The following VRK2 variants were observed in gnomAD, a reference collection of about 807,000 sequenced individuals.
VRK2 encodes serine/threonine-protein kinase VRK2.
In VRK2, 60 loss-of-function variants were observed where a neutral mutation model predicts 57.6. That is an observed-to-expected ratio of 1.04 (90% CI 0.85 to 1.29). The LOEUF (loss-of-function observed/expected upper bound fraction) is 1.29. VRK2 is among the 50% of genes most tolerant of loss of function. VRK2 has a pLI of 0.00. For synonymous variants in VRK2, 231 were observed against 199.2 expected, an observed-to-expected ratio of 1.16 and a Z score of -1.35; for missense variants, 705 against 588.1, an observed-to-expected ratio of 1.20 and a Z score of -2.06.
In VRK2 at chr2:58,116,401, G is replaced by A. The variant is rs367683705; in HGVS notation, c.544-6700G>A. On this transcript the variant is annotated intron_variant, in intron 7 of 12. Transcript: ENST00000340157. ...GTTAAAATATCTCGGCCTAATAAGG[G>A]AACTGGGCAGGTGGGGATAACTAAA... is the stretch of plus-strand genomic sequence containing the variant. Among the ~76,000 whole-genome samples, 1,180 of 151,528 alleles carry A rather than the reference G, an allele frequency of 7.8e-3. 10 individuals are homozygous for A. Among genetic ancestry groups the A allele is most frequent in the Admixed American group, 0.02 (304 of 15,282 alleles).
At chr2:58,032,606 T>A (rs1674151326) in intron 2 of VRK2, among the ~76,000 whole-genome samples, 1 of 152,080 alleles carries the variant, frequency 6.6e-6, no homozygotes, top group African/African-American at 2.4e-5. Flanking sequence ...AAGAATTAAG[T>A]GTAGAATGTG....
At chr2:58,094,339 AT>A (rs1672816732) in intron 7 of VRK2, among the ~76,000 whole-genome samples, 1 of 152,002 alleles carries the variant, frequency 6.6e-6, no homozygotes, top group South Asian at 2.1e-4. Context: ...CTTTTATTCC[AT>A]TGAGCAGTGG....
At chr2:58,002,501 T>G (rs1249549302) in intron 1 of VRK2, among the ~76,000 whole-genome samples, 1 of 151,706 alleles carries the variant, frequency 6.6e-6, no homozygotes, top group African/African-American at 2.4e-5. Flanking sequence ...AATCAGTATG[T>G]GTGAAGATAG....
intron 1 of VRK2, among the ~76,000 whole-genome samples, chr2:57,943,581 T>C (rs1472163753): frequency 1.3e-5 from 2 of 152,324 alleles, no homozygotes; most frequent in African/African-American, 4.8e-5. Context: ...GTGAGTAAGA[T>C]GGACATAAGA....
intron 7 of VRK2, among the ~76,000 whole-genome samples, chr2:58,096,181 A>G (rs757316974): frequency 2.6e-5 from 4 of 152,062 alleles, no homozygotes; most frequent in Non-Finnish European, 5.9e-5. Context: ...AAGTTCATTA[A>G]TATTTTATGA....
At chr2:58,069,196 G>T (rs1669051701) in intron 2 of VRK2, among the ~76,000 whole-genome samples, 1 of 152,130 alleles carries the variant, frequency 6.6e-6, no homozygotes, top group African/African-American at 2.4e-5. Flanking sequence ...GTTGCATTCA[G>T]GCTTCAAGTT....
chr2:58,130,946 C>A (rs1188515201), intron 8 of VRK2, among the ~76,000 whole-genome samples: 1 of 151,956 alleles, frequency 6.6e-6, no homozygotes, highest in Non-Finnish European at 1.5e-5. Flanking sequence ...CATTGTCCAT[C>A]TTCTTATATA....
intron 2 of VRK2, among the ~76,000 whole-genome samples, chr2:58,081,534 C>T (rs1462874043): frequency 6.6e-6 from 1 of 151,526 alleles, no homozygotes; most frequent in Admixed American, 6.6e-5. Flanking sequence ...CTTCTTTGCT[C>T]CTCTACTGAT....
chr2:58,128,232 C>T (rs908520616), intron 8 of VRK2, among the ~76,000 whole-genome samples: 2 of 152,156 alleles, frequency 1.3e-5, no homozygotes, highest in Non-Finnish European at 2.9e-5. Flanking sequence ...TGTCTTGGTG[C>T]TTTAAGTTTA....
chr2:57,942,825 C>T (rs1048502209), intron 1 of VRK2, among the ~76,000 whole-genome samples: 8 of 152,230 alleles, frequency 5.3e-5, no homozygotes, highest in South Asian at 4.1e-4. Context: ...TACAGTCAAC[C>T]GATGCAGAAT....
chr2:58,047,226 C>G (rs530990176), intron 1 of VRK2: 74 of 262,830 alleles, frequency 2.8e-4, no homozygotes, highest in Middle Eastern at 1.9e-3. Flanking sequence ...TAAGGGCGGA[C>G]GGACCAGGCG....
At chr2:57,978,652 T>C (rs559991790) in intron 1 of VRK2, among the ~76,000 whole-genome samples, 1 of 150,688 alleles carries the variant, frequency 6.6e-6, no homozygotes, top group East Asian at 1.9e-4. Flanking sequence ...TTTTTATATA[T>C]TGGCTTACTT....
rs1169958973 is a variant in VRK2, at chr2:58,084,876, T to TA, written c.187-4dup. 2 of 1,512,720 alleles carry TA rather than the reference T, an allele frequency of 1.3e-6. No homozygotes were observed. Among genetic ancestry groups the TA allele is most frequent in the Non-Finnish European group, 1.8e-6 (2 of 1,113,908 alleles). 93.7% of individuals were successfully genotyped at this position (1,512,720 alleles called of 1,614,324 possible). On this transcript the variant is annotated splice_polypyrimidine_tract_variant and splice_region_variant and intron_variant, in intron 3 of 12. Transcript: ENST00000340157. The stretch of plus-strand genomic sequence containing the variant: ...TAGTAAAATTAATTATTCTTTTTTT[T>TA]ATAGGAATATCAAGAAAATGGCCCG...
intron 12 of VRK2, among the ~76,000 whole-genome samples, chr2:58,158,027 T>C (rs1684240533): frequency 6.6e-6 from 1 of 152,216 alleles, no homozygotes; most frequent in Non-Finnish European, 1.5e-5. Flanking sequence ...TGCCATATGA[T>C]GTCATTTGCT....
Position 58,120,184 on chromosome 2 carries a change from C to CTTTTTTT in VRK2, c.544-2899_544-2893dup, listed in dbSNP as rs397868874. 1.1e-3 allele frequency among the ~76,000 whole-genome samples: 56 copies of CTTTTTTT among 51,980 alleles called. 1 individual carries two copies. Among genetic ancestry groups the CTTTTTTT allele is most frequent in the African/African-American group, 3.4e-3 (33 of 9,642 alleles). 34.1% of individuals were successfully genotyped at this position (51,980 alleles called of 152,430 possible). On this transcript the variant is annotated intron_variant, in intron 7 of 12. Transcript: ENST00000340157. ...CTTTTTGTCTATTTTTTTTTCTTTT[C>CTTTTTTT]TTTTTTTTTTTTTTTTTTTTTTTTG... is the stretch of plus-strand genomic sequence containing the variant.
chr2:57,983,716 T>G (rs1672504731), intron 1 of VRK2, among the ~76,000 whole-genome samples: 1 of 152,134 alleles, frequency 6.6e-6, no homozygotes, highest in African/African-American at 2.4e-5. Context: ...AAAAACATGT[T>G]AGAAAATCAA....
At chr2:58,137,995 C>T (rs1347778731) in intron 10 of VRK2, among the ~76,000 whole-genome samples, 3 of 152,164 alleles carry the variant, frequency 2.0e-5, no homozygotes, top group Non-Finnish European at 4.4e-5. Flanking sequence ...ACTGGTACCT[C>T]ATTTTTCCAA....
chr2:58,047,219 G>A (rs1003467349), intron 1 of VRK2: 12 of 254,902 alleles, frequency 4.7e-5, no homozygotes, highest in African/African-American at 2.3e-4. Context: ...GGCGTGCTAA[G>A]GGCGGACGGA....
chr2:58,133,581 G>C (rs1271011109), intron 9 of VRK2, among the ~76,000 whole-genome samples: 1 of 152,130 alleles, frequency 6.6e-6, no homozygotes, highest in Non-Finnish European at 1.5e-5. Flanking sequence ...GCATGCTGCT[G>C]GATCAATGTG....
Sources: allele counts gnomAD v4.1 joint callset (sites outside exome capture counted in the v4.1 genomes callset), GRCh38; gene constraint gnomAD v4.1.1; transcripts MANE v1.5; gene names NCBI Gene and HGNC (gene_info 2026-07-23, HGNC 2026-07-21).